AMPH: variants seen among roughly 807,000 people sequenced by gnomAD.
AMPH encodes amphiphysin.
A neutral mutation model predicts 99.1 loss-of-function variants in AMPH; 49 were observed. That is an observed-to-expected ratio of 0.49 (90% confidence interval 0.39 to 0.63). AMPH has a LOEUF of 0.63. AMPH is among the 20% of genes least tolerant of loss of function. The probability of loss-of-function intolerance (pLI) is 0.00; values close to 1 mark genes in which losing one functional copy is unlikely to be tolerated. For synonymous variants in AMPH, 314 were observed against 317.3 expected, an observed-to-expected ratio of 0.99 and a Z score of 0.11; for missense variants, 759 against 863.4, an observed-to-expected ratio of 0.88 and a Z score of 1.52.
intron 1 of AMPH, among the ~76,000 whole-genome samples, chr7:38,560,624 T>C (rs1211106569): frequency 6.6e-6 from 1 of 152,228 alleles, no homozygotes. Context: ...AGATGGGTTA[T>C]GTCTGTTCAA....
intron 3 of AMPH, among the ~76,000 whole-genome samples, chr7:38,502,797 C>G (rs1402485061): frequency 6.6e-6 from 1 of 152,164 alleles, no homozygotes; most frequent in Admixed American, 6.5e-5. Flanking sequence ...GCCATCCCTA[C>G]TGAAGTTAAT....
At chr7:38,610,837 A>T (rs1331243678) in intron 1 of AMPH, among the ~76,000 whole-genome samples, 1 of 152,234 alleles carries the variant, frequency 6.6e-6, no homozygotes, top group African/African-American at 2.4e-5. Context: ...GCTCATAGAG[A>T]CAAGAGTTAA....
intron 7 of AMPH, among the ~76,000 whole-genome samples, chr7:38,469,153 CAAAAAAAAAAAAAAAAAAA>C (rs869172352): frequency 3.5e-5 from 1 of 28,880 alleles, no homozygotes; most frequent in Non-Finnish European, 4.9e-5. Context: ...GACTCCGCCT[CAAAAAAAAAAAAAAAAAAA>C]AAAAAAAAAA....
intron 18 of AMPH, among the ~76,000 whole-genome samples, chr7:38,392,284 G>A (rs1260817051): frequency 2.0e-5 from 3 of 151,978 alleles, no homozygotes; most frequent in Non-Finnish European, 4.4e-5. Context: ...GGAATTGGGA[G>A]GAGGGATAGG....
chr7:38,610,261 A>AGG (rs1562859975), intron 1 of AMPH, among the ~76,000 whole-genome samples: 34 of 24,036 alleles, frequency 1.4e-3, no homozygotes, highest in African/African-American at 3.4e-3. Flanking sequence ...AAAAAAAAAA[A>AGG]AAGAAAGAAA....
At chr7:38,544,084 A>C (rs1790909088) in intron 1 of AMPH, among the ~76,000 whole-genome samples, 1 of 152,316 alleles carries the variant, frequency 6.6e-6, no homozygotes, top group Admixed American at 6.5e-5. Flanking sequence ...TTTCCCCTTG[A>C]CAATTAAGTC....
chr7:38,481,406 GTTA>G (rs760933807), intron 5 of AMPH, among the ~76,000 whole-genome samples: 1 of 152,128 alleles, frequency 6.6e-6, no homozygotes, highest in Non-Finnish European at 1.5e-5. Context: ...TAAAAAATAA[GTTA>G]TTATACATTT....
chr7:38,561,019 T>C (rs1791535826), intron 1 of AMPH, among the ~76,000 whole-genome samples: 1 of 152,214 alleles, frequency 6.6e-6, no homozygotes, highest in Non-Finnish European at 1.5e-5. Context: ...ACTCTTTCAC[T>C]AGGAAAAGTT....
intron 17 of AMPH, among the ~76,000 whole-genome samples, chr7:38,399,402 C>T (rs11977538): frequency 0.081 from 12,255 of 152,204 alleles, 525 homozygotes; most frequent in East Asian, 0.19. Context: ...TACCAAAATA[C>T]TTCCAATGCC....
At chr7:38,580,886 T>G (rs1792429184) in intron 1 of AMPH, among the ~76,000 whole-genome samples, 1 of 152,178 alleles carries the variant, frequency 6.6e-6, no homozygotes, top group African/African-American at 2.4e-5. Flanking sequence ...TCACATCTTA[T>G]TACAAAAGAC....
intron 4 of AMPH, among the ~76,000 whole-genome samples, chr7:38,493,289 G>C (rs1309320764): frequency 6.6e-6 from 1 of 152,118 alleles, no homozygotes; most frequent in East Asian, 1.9e-4. Context: ...AACTCACCTG[G>C]AGTAGAGGAC....
chr7:38,551,102 G>A (rs1219175360), intron 1 of AMPH, among the ~76,000 whole-genome samples: 2 of 152,110 alleles, frequency 1.3e-5, no homozygotes, highest in African/African-American at 2.4e-5. Context: ...GAAACCAGAT[G>A]AGCTGCACCT....
At chr7:38,605,571 C>CTTTT (rs552634478) in intron 1 of AMPH, among the ~76,000 whole-genome samples, 11 of 138,042 alleles carry the variant, frequency 8.0e-5, no homozygotes, top group African/African-American at 3.2e-4. Flanking sequence ...TTCGTTTTTT[C>CTTTT]TTTTTCTTTT....
chr7:38,560,172 T>C (rs1791505885), intron 1 of AMPH, among the ~76,000 whole-genome samples: 1 of 152,202 alleles, frequency 6.6e-6, no homozygotes, highest in Admixed American at 6.5e-5. Flanking sequence ...CAATGAGAAT[T>C]TAACAAACTA....
chr7:38,398,844 A>G (rs1358001614), intron 17 of AMPH, among the ~76,000 whole-genome samples: 1 of 135,232 alleles, frequency 7.4e-6, no homozygotes, highest in Non-Finnish European at 1.7e-5. Context: ...AAAGTTAAAA[A>G]TAAACATAAA....
At chr7:38,432,392 C>T (rs1210441565) in intron 12 of AMPH, among the ~76,000 whole-genome samples, 180 bp from the exon 13 acceptor site, 2 of 151,988 alleles carry the variant, frequency 1.3e-5, no homozygotes, top group African/African-American at 4.8e-5. Context: ...GTATGGTAGC[C>T]ACCAGTCACA....
chr7:38,501,679 T>C (rs2129026122), intron 3 of AMPH, among the ~76,000 whole-genome samples: 1 of 152,164 alleles, frequency 6.6e-6, no homozygotes, highest in East Asian at 1.9e-4. Context: ...CATTATTTAA[T>C]AACATGTTTA....
At chr7:38,481,387 C>G (rs1788277632) in intron 5 of AMPH, among the ~76,000 whole-genome samples, 1 of 152,064 alleles carries the variant, frequency 6.6e-6, no homozygotes, top group South Asian at 2.1e-4. Context: ...TGCACTGAAC[C>G]TCTATAGTTA....
intron 11 of AMPH, among the ~76,000 whole-genome samples, chr7:38,461,045 A>G (rs1296554917): frequency 6.6e-6 from 1 of 152,168 alleles, no homozygotes; most frequent in East Asian, 1.9e-4. Flanking sequence ...ACTTTTCAAT[A>G]TTTTTCCAAT....
Sources: allele counts gnomAD v4.1 joint callset (sites outside exome capture counted in the v4.1 genomes callset), GRCh38; gene constraint gnomAD v4.1.1; transcripts MANE v1.5; gene names NCBI Gene and HGNC (gene_info 2026-07-23, HGNC 2026-07-21).